MFAP3: variants seen among roughly 807,000 people sequenced by gnomAD.
The protein encoded by MFAP3 is microfibril associated protein 3.
A neutral mutation model predicts 20.5 loss-of-function variants in MFAP3; 8 were observed. That is an observed-to-expected ratio of 0.39 (90% CI 0.23 to 0.70). MFAP3 has a LOEUF of 0.70. Among genes scored for constraint, MFAP3 ranks in the 30% least tolerant of loss-of-function variants. The pLI is 0.44. For missense variants in MFAP3, 398 were observed against 444.6 expected (o/e 0.90, Z 0.94); for synonymous variants, 140 against 154.0 (o/e 0.91, Z 0.67).
At chr5:154,051,436 G>A (rs1270831499) in intron 2 of MFAP3, among the ~76,000 whole-genome samples, 1 of 152,182 alleles carries the variant, frequency 6.6e-6, no homozygotes, top group Non-Finnish European at 1.5e-5. Context: ...CTGGAAAATT[G>A]TATTAAATTT....
At chr5:154,040,381 A>C (rs1214425675) in intron 1 of MFAP3, among the ~76,000 whole-genome samples, 1 of 152,240 alleles carries the variant, frequency 6.6e-6, no homozygotes, top group Non-Finnish European at 1.5e-5. Context: ...AATCTCTTTA[A>C]TGTCTGGCTG....
At position 154,053,199 on chromosome 5, in the gene MFAP3, G is replaced by A; in HGVS notation, c.575G>A (p.Gly192Glu). The change falls in exon 3 of 3, where the codon GGG becomes GAG. Residue 192 changes from glycine to glutamate, a missense_variant. Transcript: ENST00000522782. The part of the protein sequence containing the change: ...KAINEFFRTE[G>E]AEKLQKAFEI... ...ATCAATGAGTTCTTTAGAACTGAAG[G>A]GGCTGAGAAACTTCAGAAGGCCTTT... The A allele has an allele frequency of 6.2e-7, 1 of 1,613,892 alleles. No homozygotes were observed. The highest frequency in any genetic ancestry group is 8.5e-7 in the Non-Finnish European group (1 of 1,179,908).
rs1017938208 is a variant in MFAP3, at chr5:154,055,914, C to T, written c.*2201C>T. 6.6e-6 allele frequency among the ~76,000 whole-genome samples: 1 copy of T among 152,124 alleles called. No individual in the cohort carries two copies. The highest frequency in any genetic ancestry group is 1.5e-5 in the Non-Finnish European group (1 of 68,018). On this transcript the variant is annotated 3_prime_UTR_variant, in exon 3 of 3. Transcript: ENST00000522782. Reference sequence around the variant, plus strand: ...TGAGCCACTGTGCCTGGCCAAAAAACATTTTAAATCCCTTGTCTGGGGGTC... The same window carrying T: ...TGAGCCACTGTGCCTGGCCAAAAAATATTTTAAATCCCTTGTCTGGGGGTC...
At position 154,043,547 on chromosome 5, in the gene MFAP3, G is replaced by GTC. The variant is rs547465090; in HGVS notation, c.-167+4537_-167+4538dup. Among the ~76,000 whole-genome samples the GTC allele has an allele frequency of 8.2e-4, 117 of 142,282 alleles. No homozygotes were observed. The East Asian group carries it at 0.015, about 18-fold the overall frequency. The allele number at this position is 142,282 out of a possible 152,430, so 93.3% of individuals were successfully genotyped here. A position where few individuals can be genotyped will look rare whatever the true frequency, so the allele number is the denominator to read the frequency against. On this transcript the variant is annotated intron_variant, in intron 1 of 2. Transcript: ENST00000522782. ...GCCTGGGCAACAAGAGCGAAACTCC[G>GTC]TCACACACACACACACACACAAAAA... is the stretch of plus-strand genomic sequence containing the variant.
intron 1 of MFAP3, among the ~76,000 whole-genome samples, chr5:154,039,854 A>AAT (rs1488238378): frequency 1.3e-5 from 2 of 152,340 alleles, no homozygotes; most frequent in Non-Finnish European, 2.9e-5. Context: ...ATGCCCTCGG[A>AAT]ATTATCATCT....
chr5:154,052,922 G>A lies in MFAP3; in HGVS notation c.298G>A (p.Gly100Arg). Residue 100 changes from glycine (G) to arginine (R), a missense_variant and splice_region_variant, in exon 3 of 3, where the codon GGA (glycine) becomes AGA (arginine). Coordinates refer to ENST00000522782, the MANE Select transcript of MFAP3 (RefSeq NM_005927.5). ...GQQLDGRSRG[G>R]KWLVSDNFLN... The stretch of plus-strand genomic sequence containing the variant: ...TTTCATTTCTGTTCAATTATCAGGT[G>A]GAAAGTGGTTGGTTTCTGATAACTT... The A allele has an allele frequency of 1.2e-6, 2 of 1,607,268 alleles. No homozygotes were observed. Among genetic ancestry groups the A allele is most frequent in the East Asian group, 2.2e-5 (1 of 44,760 alleles).
At position 154,053,049 on chromosome 5, in the gene MFAP3, T is replaced by C; in HGVS notation, c.425T>C (p.Phe142Ser). The change falls in exon 3 of 3, where the codon TTC becomes TCC. Residue 142 changes from phenylalanine to serine, a missense_variant. Phe to Ser is a radical substitution (Grantham distance 155). Coordinates refer to ENST00000522782, the MANE Select transcript of MFAP3 (RefSeq NM_005927.5). ...ASYSVTLRVI[F>S]TSGDMSVYYM... ...TACTCTGTCACCCTACGTGTTATCT[T>C]CACCTCGGGAGACATGAGTGTCTAT... is the stretch of plus-strand genomic sequence containing the variant. The C allele has an allele frequency of 6.2e-7, 1 of 1,613,928 alleles. No homozygotes were observed. Among genetic ancestry groups the C allele is most frequent in the Non-Finnish European group, 8.5e-7 (1 of 1,179,892 alleles).
chr5:154,047,437 A>G (rs2113560597), intron 1 of MFAP3, among the ~76,000 whole-genome samples: 1 of 152,310 alleles, frequency 6.6e-6, no homozygotes, highest in East Asian at 1.9e-4. Context: ...GTGGTGGGGA[A>G]GAGTAGAAAG....
intron 1 of MFAP3, among the ~76,000 whole-genome samples, chr5:154,042,333 G>T (rs541463485): frequency 1.3e-5 from 2 of 152,324 alleles, no homozygotes; most frequent in African/African-American, 4.8e-5. Context: ...GGGTATAACT[G>T]AAATAATCCT....
chr5:154,044,003 T>G (rs1773021072), intron 1 of MFAP3, among the ~76,000 whole-genome samples: 1 of 152,254 alleles, frequency 6.6e-6, no homozygotes, highest in Non-Finnish European at 1.5e-5. Flanking sequence ...CTGACACATT[T>G]GTCTTTTCTC....
At chr5:154,045,672 A>G (rs75459504) in intron 1 of MFAP3, among the ~76,000 whole-genome samples, 5,573 of 152,252 alleles carry the variant, frequency 0.037, 260 homozygotes, top group African/African-American at 0.1. Flanking sequence ...GTGAGAATAG[A>G]TTCTGTTATT....
intron 1 of MFAP3, among the ~76,000 whole-genome samples, chr5:154,045,502 G>A (rs549286258): frequency 6.6e-6 from 1 of 152,092 alleles, no homozygotes; most frequent in Non-Finnish European, 1.5e-5. Flanking sequence ...ATGGTTGCAT[G>A]GTATTCTGAG....
intron 1 of MFAP3, among the ~76,000 whole-genome samples, chr5:154,045,099 T>C (rs796861716): frequency 1.4e-4 from 22 of 152,214 alleles, no homozygotes; most frequent in African/African-American, 5.3e-4. Context: ...TCTCCTTGTA[T>C]GTGGCCCAAA....
chr5:154,039,048 C>CAGTA (rs1001007069), intron 1 of MFAP3, 37 bp downstream of exon 1: 3 of 152,246 alleles, frequency 2.0e-5, no homozygotes, highest in African/African-American at 4.8e-5. Context: ...TGCGAGGGGA[C>CAGTA]TACTAGGAGC....
rs1005944919 is a variant in MFAP3, at chr5:154,056,533, G to A, written c.*2820G>A. 2.6e-5 allele frequency among the ~76,000 whole-genome samples: 4 copies of A among 151,992 alleles called. No homozygotes were observed. The highest frequency in any genetic ancestry group is 9.7e-5 in the African/African-American group (4 of 41,384). On this transcript the variant is annotated 3_prime_UTR_variant, in exon 3 of 3. Transcript: ENST00000522782. Reference sequence around the variant, plus strand: ...GTGTAATTATCTTTTTGTCTCACTGGATTTTATAGTTAGTGGAAAATGCCT... The same window carrying A: ...GTGTAATTATCTTTTTGTCTCACTGAATTTTATAGTTAGTGGAAAATGCCT...
At position 154,055,478 on chromosome 5, in the gene MFAP3, CCAAT is replaced by C. The variant is rs572677050; in HGVS notation, c.*1768_*1771del. 3.4e-4 allele frequency among the ~76,000 whole-genome samples: 52 copies of C among 152,256 alleles called. No individual in the cohort carries two copies. Among genetic ancestry groups the C allele is most frequent in the Non-Finnish European group, 4.3e-4 (29 of 68,024 alleles). On this transcript the variant is annotated 3_prime_UTR_variant, in exon 3 of 3. Coordinates refer to ENST00000522782, the MANE Select transcript of MFAP3 (RefSeq NM_005927.5). ...ACCTCTAGAGCCAAATAAAAGCTAA[CCAAT>C]CATTTAGCCAAAGCTTGCCTTGGCT... is the stretch of plus-strand genomic sequence containing the variant.
chr5:154,040,606 T>C (rs549544759), intron 1 of MFAP3, among the ~76,000 whole-genome samples: 6 of 152,336 alleles, frequency 3.9e-5, no homozygotes, highest in Non-Finnish European at 5.9e-5. Flanking sequence ...ACGGTGATTG[T>C]CATGCCAGTA....
At chr5:154,039,086 T>C (rs1009831875) in intron 1 of MFAP3, 75 bp downstream of exon 1, 14 of 152,224 alleles carry the variant, frequency 9.2e-5, no homozygotes, top group African/African-American at 3.4e-4. Flanking sequence ...AGCCTGTGGC[T>C]TGGGGTCGGG....
intron 1 of MFAP3, among the ~76,000 whole-genome samples, chr5:154,040,914 G>A (rs1229871083): frequency 1.3e-5 from 2 of 152,110 alleles, no homozygotes; most frequent in Non-Finnish European, 2.9e-5. Flanking sequence ...AAGTTAATAA[G>A]TTTGTAGCAG....
Sources: gnomAD v4.1 joint callset for allele counts (sites outside exome capture counted in the v4.1 genomes callset) on GRCh38, gnomAD v4.1.1 for gene constraint, MANE v1.5 for transcripts, NCBI Gene and HGNC (gene_info 2026-07-23, HGNC 2026-07-21) for gene names.